The following BRAF variants were observed in gnomAD, a reference collection of about 807,000 sequenced individuals.
BRAF encodes the protein serine/threonine-protein kinase B-raf.
Under a neutral mutation model 104.6 loss-of-function variants are expected in BRAF, and 16 were observed. That is an observed-to-expected ratio of 0.15 (90% CI 0.10 to 0.23). The LOEUF (loss-of-function observed/expected upper bound fraction) is 0.23, where lower values mean the gene tolerates loss of function less well. BRAF is among the 10% of genes least tolerant of loss of function. The pLI, the probability that BRAF is intolerant of heterozygous loss-of-function variation, is 1.00. For synonymous variants in BRAF, 310 were observed against 341.6 expected, an observed-to-expected ratio of 0.91 and a Z score of 1.02; for missense variants, 541 against 937.3, an observed-to-expected ratio of 0.58 and a Z score of 5.52.
intron 1 of BRAF, among the ~76,000 whole-genome samples, chr7:140,885,838 G>C (rs1286809757): frequency 6.6e-6 from 1 of 152,194 alleles, no homozygotes; most frequent in African/African-American, 2.4e-5. Flanking sequence ...CCTAAACAAT[G>C]AGTAGGGTTT....
intron 1 of BRAF, among the ~76,000 whole-genome samples, chr7:140,898,645 G>A (rs950079120): frequency 2.6e-5 from 4 of 152,148 alleles, no homozygotes; most frequent in African/African-American, 9.7e-5. Context: ...CCCAAGGTAA[G>A]AAATAGCATT....
intron 19 of BRAF, among the ~76,000 whole-genome samples, chr7:140,727,781 C>T (rs764123299): frequency 6.6e-5 from 10 of 152,108 alleles, no homozygotes; most frequent in African/African-American, 1.4e-4. Context: ...AAGCCACGCC[C>T]GGCTAATTTT....
At chr7:140,736,072 C>CTT (rs200796950) in intron 18 of BRAF, among the ~76,000 whole-genome samples, 6 of 139,784 alleles carry the variant, frequency 4.3e-5, no homozygotes, top group South Asian at 2.3e-4. Context: ...TCTTCTGTAC[C>CTT]TTTTTTTTTT....
intron 1 of BRAF, among the ~76,000 whole-genome samples, chr7:140,913,360 C>A (rs963455936): frequency 6.6e-6 from 1 of 151,094 alleles, no homozygotes; most frequent in African/African-American, 2.4e-5. Context: ...ATATAGTAGG[C>A]ACTCAAATAT....
chr7:140,799,912 C>CCGT, intron 7 of BRAF: 13 of 299,982 alleles, frequency 4.3e-5, no homozygotes, highest in Admixed American at 9.5e-5. Flanking sequence ...TGATCTGTTG[C>CCGT]ATGATTTTTT....
At chr7:140,903,729 C>T (rs935032053) in intron 1 of BRAF, among the ~76,000 whole-genome samples, 2 of 152,182 alleles carry the variant, frequency 1.3e-5, no homozygotes, top group African/African-American at 4.8e-5. Context: ...CCATAAAGAA[C>T]ATTTGTAATT....
At chr7:140,884,462 T>TGTGC (rs1813322253) in intron 1 of BRAF, among the ~76,000 whole-genome samples, 1 of 149,492 alleles carries the variant, frequency 6.7e-6, no homozygotes, top group African/African-American at 2.5e-5. Context: ...TGTGTGTGTG[T>TGTGC]GTGTGTGTGT....
At chr7:140,829,038 T>C (rs1160705305) in intron 3 of BRAF, among the ~76,000 whole-genome samples, 3 of 152,180 alleles carry the variant, frequency 2.0e-5, no homozygotes, top group Non-Finnish European at 4.4e-5. Context: ...GAACTGCCTA[T>C]TTATATCTTT....
In BRAF at chr7:140,734,695, G is replaced by A. The variant is rs2130868602; in HGVS notation, c.2323C>T (p.Arg775Trp). Residue 775 changes from arginine to tryptophan, a missense_variant, in exon 19 of 20, where the codon CGG becomes TGG. Transcript: ENST00000644969. ...AAATCCTCTGTTTGGAAACCAGCCC[G>A]ATTCAAGGAGGGTTCTGATGCACTG... ...HRSASEPSLNRAGFQTEDFSL... is the reference protein window; with the variant it reads ...HRSASEPSLNWAGFQTEDFSL... 1.2e-6 allele frequency: 2 copies of A among 1,608,730 alleles called. No homozygotes were observed. Among genetic ancestry groups the A allele is most frequent in the South Asian group, 1.1e-5 (1 of 90,972 alleles).
chr7:140,786,974 G>A (rs900722123), intron 9 of BRAF, among the ~76,000 whole-genome samples: 1 of 152,124 alleles, frequency 6.6e-6, no homozygotes, highest in African/African-American at 2.4e-5. Flanking sequence ...TCTGATCCTG[G>A]AAGAAATTTT....
At chr7:140,763,613 A>G (rs1003537392) in intron 14 of BRAF, among the ~76,000 whole-genome samples, 46 of 152,240 alleles carry the variant, frequency 3.0e-4, no homozygotes, top group African/African-American at 1.1e-3. Context: ...GATAAAGGGG[A>G]TATCACCACC....
chr7:140,766,187 A>G (rs1241743059), intron 14 of BRAF, among the ~76,000 whole-genome samples: 1 of 152,090 alleles, frequency 6.6e-6, no homozygotes, highest in Non-Finnish European at 1.5e-5. Flanking sequence ...AACTATCGCA[A>G]GGACAAAAAA....
At chr7:140,727,233 G>T (rs1795653122) in intron 19 of BRAF, among the ~76,000 whole-genome samples, 1 of 151,054 alleles carries the variant, frequency 6.6e-6, no homozygotes. Context: ...GCCCAGGCTG[G>T]AGTGCAATGG....
intron 1 of BRAF, among the ~76,000 whole-genome samples, chr7:140,856,764 T>C (rs1331994843): frequency 6.6e-6 from 1 of 152,142 alleles, no homozygotes; most frequent in Non-Finnish European, 1.5e-5. Context: ...GAACAGAAGC[T>C]GGCCATAAAT....
intron 1 of BRAF, among the ~76,000 whole-genome samples, chr7:140,909,229 A>G (rs1816689194): frequency 6.6e-6 from 1 of 151,938 alleles, no homozygotes; most frequent in African/African-American, 2.4e-5. Context: ...AGTTCAAGAC[A>G]AGCCTGACCA....
At position 140,747,008 on chromosome 7, in the gene BRAF, A is replaced by C. The variant is rs532305816; in HGVS notation, c.2112+2279T>G. Among the ~76,000 whole-genome samples the C allele has an allele frequency of 4.6e-5, 7 of 152,246 alleles. No individual in the cohort carries two copies. In the South Asian group the frequency reaches 1.5e-3, roughly 32 times the overall value. Reference sequence around the variant, plus strand: ...GGGTATGAGAGTCTAGGGGAATGGTATTCACATTGCATAGTAAAGAATATT... The same window carrying C: ...GGGTATGAGAGTCTAGGGGAATGGTCTTCACATTGCATAGTAAAGAATATT... On this transcript the variant is annotated intron_variant, in intron 17 of 19. Coordinates refer to ENST00000644969, the MANE Select transcript of BRAF (RefSeq NM_001374258.1).
chr7:140,828,186 C>T (rs544221104), intron 3 of BRAF, among the ~76,000 whole-genome samples: 1 of 152,290 alleles, frequency 6.6e-6, no homozygotes, highest in African/African-American at 2.4e-5. Context: ...AGCTACCGTA[C>T]CTGGCCAAAA....
chr7:140,772,326 A>T (rs1383236371), intron 14 of BRAF, among the ~76,000 whole-genome samples: 1 of 151,342 alleles, frequency 6.6e-6, no homozygotes, highest in Non-Finnish European at 1.5e-5. Flanking sequence ...AGTTCAATCA[A>T]ATGTACTGAA....
At chr7:140,829,343 A>AT (rs558419776) in intron 3 of BRAF, among the ~76,000 whole-genome samples, 20,528 of 134,758 alleles carry the variant, frequency 0.15, 2,323 homozygotes, top group African/African-American at 0.34. Flanking sequence ...AAAGATTTAC[A>AT]TTTTTTTTTT....
Sources: allele counts gnomAD v4.1 joint callset (sites outside exome capture counted in the v4.1 genomes callset), GRCh38; gene constraint gnomAD v4.1.1; transcripts MANE v1.5; gene names NCBI Gene and HGNC (gene_info 2026-07-23, HGNC 2026-07-21).